The following MAPKAP1 variants were observed in gnomAD, a reference collection of about 807,000 sequenced individuals.
MAPKAP1 encodes the protein target of rapamycin complex 2 subunit MAPKAP1.
Under a neutral mutation model 65.7 loss-of-function variants are expected in MAPKAP1, and 20 were observed. The ratio of observed to expected loss-of-function variants is 0.30; its 90% CI spans 0.21 to 0.44. The LOEUF is 0.44. MAPKAP1 is among the 20% of genes least tolerant of loss of function. MAPKAP1 has a pLI of 1.00. For missense variants in MAPKAP1, 423 were observed against 648.0 expected, an observed-to-expected ratio of 0.65 and a Z score of 3.77; for synonymous variants, 222 against 244.3, an observed-to-expected ratio of 0.91 and a Z score of 0.85.
At chr9:125,621,475 A>T (rs1158672016) in intron 4 of MAPKAP1, among the ~76,000 whole-genome samples, 1 of 152,184 alleles carries the variant, frequency 6.6e-6, no homozygotes, top group East Asian at 1.9e-4. Flanking sequence ...CTATCTCAGA[A>T]GTTCATATGA....
intron 6 of MAPKAP1, among the ~76,000 whole-genome samples, chr9:125,557,125 G>A (rs140984313): frequency 3.0e-3 from 464 of 152,270 alleles, no homozygotes; most frequent in Middle Eastern, 0.01. Flanking sequence ...TAAAGCAGTT[G>A]TTACTCTCTG....
intron 5 of MAPKAP1, among the ~76,000 whole-genome samples, chr9:125,580,421 C>A (rs1229114431): frequency 6.7e-6 from 1 of 150,096 alleles, no homozygotes; most frequent in Non-Finnish European, 1.5e-5. Context: ...TCATTCTGAG[C>A]AAACTATCAC....
intron 5 of MAPKAP1, among the ~76,000 whole-genome samples, chr9:125,573,416 C>T (rs1290235847): frequency 1.3e-5 from 2 of 152,156 alleles, no homozygotes; most frequent in Non-Finnish European, 2.9e-5. Flanking sequence ...AGGAAGTAAC[C>T]CTATATGGTC....
rs71374284 is a variant in MAPKAP1 at position 125,629,054 on chromosome 9, AACACACACACACAC to A, written c.498+28583_498+28596del. 1.7e-3 allele frequency among the ~76,000 whole-genome samples: 258 copies of A among 147,488 alleles called. 1 individual carries two copies. Among genetic ancestry groups the A allele is most frequent in the African/African-American group, 5.6e-3 (223 of 39,908 alleles). Reference sequence around the variant, plus strand: ...CACCTGTTAGGATGGTCACTGTCAAAACACACACACACACACACACACACACACACACACACACC... The same window carrying A: ...CACCTGTTAGGATGGTCACTGTCAAAACACACACACACACACACACACACC... On this transcript the variant is annotated intron_variant, in intron 4 of 11. Coordinates refer to ENST00000265960, the MANE Select transcript of MAPKAP1 (RefSeq NM_001006617.3).
At chr9:125,668,119 T>C (rs1378175084) in intron 3 of MAPKAP1, among the ~76,000 whole-genome samples, 2 of 152,222 alleles carry the variant, frequency 1.3e-5, no homozygotes, top group African/African-American at 2.4e-5. Flanking sequence ...AAGAAAATCA[T>C]ACCTGCTAAG....
At chr9:125,568,368 G>C (rs151083399) in intron 5 of MAPKAP1, among the ~76,000 whole-genome samples, 13 of 152,268 alleles carry the variant, frequency 8.5e-5, no homozygotes, top group African/African-American at 3.1e-4. Flanking sequence ...TCCTAAAAGG[G>C]GAAACTTGAG....
chr9:125,586,226 C>T (rs1259669579), intron 4 of MAPKAP1, among the ~76,000 whole-genome samples: 2 of 152,170 alleles, frequency 1.3e-5, no homozygotes, highest in African/African-American at 2.4e-5. Flanking sequence ...ACATCTGTTT[C>T]CTTCACTACC....
intron 3 of MAPKAP1, among the ~76,000 whole-genome samples, chr9:125,660,753 G>A (rs953363867): frequency 3.3e-5 from 5 of 152,256 alleles, no homozygotes; most frequent in African/African-American, 4.8e-5. Context: ...ATTCAGAACC[G>A]TGGCAACCGC....
At chr9:125,688,881 T>C (rs1835069675) in intron 1 of MAPKAP1, among the ~76,000 whole-genome samples, 1 of 152,182 alleles carries the variant, frequency 6.6e-6, no homozygotes, top group African/African-American at 2.4e-5. Flanking sequence ...CAGGATAGCC[T>C]GGCTCCAGAA....
chr9:125,537,960 T>G (rs1830120772), intron 7 of MAPKAP1, among the ~76,000 whole-genome samples: 1 of 152,116 alleles, frequency 6.6e-6, no homozygotes, highest in South Asian at 2.1e-4. Flanking sequence ...TGGCCTTGAG[T>G]GCCCAGGGTC....
chr9:125,538,633 T>C (rs1182044701), intron 7 of MAPKAP1, among the ~76,000 whole-genome samples: 2 of 152,178 alleles, frequency 1.3e-5, no homozygotes, highest in South Asian at 4.1e-4. Flanking sequence ...TTGACTGGCA[T>C]TGTCCCTGCC....
rs776205847 is a variant in MAPKAP1 at position 125,458,699 on chromosome 9, G to C, written c.1345+9273C>G. ...CTTTCTATTCCACAAAACCGCCATC[G>C]TCATCCTGGCCTGTTCTCAATGAGC... On this transcript the variant is annotated intron_variant, in intron 10 of 11. Coordinates refer to ENST00000265960, the MANE Select transcript of MAPKAP1 (RefSeq NM_001006617.3). Among the ~76,000 whole-genome samples, 7 of 149,068 alleles carry C rather than the reference G, an allele frequency of 4.7e-5. No individual in the cohort carries two copies. In the East Asian group the frequency reaches 8.0e-4, roughly 17 times the overall value.
chr9:125,698,324 TATATATATATATAA>T (rs1392262403), intron 1 of MAPKAP1, among the ~76,000 whole-genome samples: 12 of 95,104 alleles, frequency 1.3e-4, no homozygotes, highest in Middle Eastern at 4.7e-3. Flanking sequence ...TATATATATA[TATATATATATATAA>T]AATATATATA....
At chr9:125,565,899 T>C (rs1220079689) in intron 5 of MAPKAP1, among the ~76,000 whole-genome samples, 2 of 152,188 alleles carry the variant, frequency 1.3e-5, no homozygotes, top group African/African-American at 2.4e-5. Flanking sequence ...GTGTGGTGAC[T>C]AGCAATTGGG....
intron 4 of MAPKAP1, among the ~76,000 whole-genome samples, chr9:125,643,826 T>C (rs1833648440): frequency 1.3e-5 from 2 of 152,346 alleles, no homozygotes; most frequent in South Asian, 2.1e-4. Context: ...TCGCCAATTT[T>C]TGGTCTTGCC....
intron 6 of MAPKAP1, among the ~76,000 whole-genome samples, chr9:125,557,981 C>T (rs1486293620): frequency 2.0e-5 from 3 of 152,180 alleles, no homozygotes; most frequent in South Asian, 2.1e-4. Context: ...CTCAGACTCC[C>T]GAGTAGCTGG....
chr9:125,511,124 T>G (rs571758649), intron 7 of MAPKAP1, among the ~76,000 whole-genome samples: 15 of 152,272 alleles, frequency 9.9e-5, no homozygotes, highest in African/African-American at 3.4e-4. Context: ...CAATGTCCAA[T>G]GCATTAATAG....
At chr9:125,514,025 A>G (rs948205228) in intron 7 of MAPKAP1, among the ~76,000 whole-genome samples, 2 of 152,174 alleles carry the variant, frequency 1.3e-5, no homozygotes, top group African/African-American at 2.4e-5. Flanking sequence ...GGCAGCACAG[A>G]TATCAAAGGA....
intron 8 of MAPKAP1, among the ~76,000 whole-genome samples, chr9:125,502,679 T>G (rs1829020343): frequency 6.6e-6 from 1 of 152,212 alleles, no homozygotes; most frequent in African/African-American, 2.4e-5. Flanking sequence ...TTTTGATATG[T>G]AAGATTTACT....
Sources: allele counts gnomAD v4.1 joint callset (sites outside exome capture counted in the v4.1 genomes callset), GRCh38; gene constraint gnomAD v4.1.1; transcripts MANE v1.5; gene names NCBI Gene and HGNC (gene_info 2026-07-23, HGNC 2026-07-21).